PRKCE: variants seen among roughly 807,000 people sequenced by gnomAD.
The protein encoded by PRKCE is protein kinase C epsilon type.
A neutral mutation model predicts 85.4 loss-of-function variants in PRKCE; 16 were observed. That is an observed-to-expected ratio of 0.19 (90% confidence interval 0.13 to 0.28). The LOEUF (loss-of-function observed/expected upper bound fraction) is 0.28, where lower values mean the gene tolerates loss of function less well. Among genes scored for constraint, PRKCE ranks in the 10% least tolerant of loss-of-function variants. PRKCE has a pLI of 1.00. For missense variants in PRKCE, 573 were observed against 975.2 expected, an observed-to-expected ratio of 0.59 and a Z score of 5.49; for synonymous variants, 388 against 371.5, an observed-to-expected ratio of 1.04 and a Z score of -0.51.
At chr2:45,741,900 C>T (rs11902230) in intron 1 of PRKCE, among the ~76,000 whole-genome samples, 59,440 of 151,952 alleles carry the variant, frequency 0.39, 11,801 homozygotes, top group African/African-American at 0.44. Flanking sequence ...TTAAAGAGGG[C>T]GGAAGTCCCC....
At chr2:45,955,636 T>C (rs563900220) in intron 2 of PRKCE, among the ~76,000 whole-genome samples, 2 of 152,178 alleles carry the variant, frequency 1.3e-5, no homozygotes, top group South Asian at 4.2e-4. Flanking sequence ...CTGGGCAACA[T>C]AGTGAGATGC....
chr2:45,817,139 C>T (rs897936225), intron 1 of PRKCE, among the ~76,000 whole-genome samples: 5 of 148,150 alleles, frequency 3.4e-5, no homozygotes, highest in Non-Finnish European at 6.0e-5. Flanking sequence ...CCAGGGGGAG[C>T]GACCTCTTTT....
chr2:45,984,604 C>T lies in PRKCE; in HGVS notation c.747C>T (p.Asn249=). 6.3e-7 allele frequency: 1 copy of T among 1,599,872 alleles called. No individual in the cohort carries two copies. The highest frequency in any genetic ancestry group is 8.5e-7 in the Non-Finnish European group (1 of 1,179,932). The stretch of plus-strand genomic sequence containing the variant: ...TGCCCCACAAGTTCGGTATCCACAA[C>T]TACAAGGTCCCTACCTTCTGCGATC... ...VNMPHKFGIH[N]YKVPTFCDHC... is the part of the protein sequence containing the mutation. Residue 249 remains asparagine, a synonymous_variant, in exon 6 of 15, where the codon AAC becomes AAT. Transcript: ENST00000306156.
intron 11 of PRKCE, among the ~76,000 whole-genome samples, chr2:46,086,968 G>T (rs567572438): frequency 6.6e-6 from 1 of 151,968 alleles, no homozygotes; most frequent in Non-Finnish European, 1.5e-5. Flanking sequence ...ACATGCACGC[G>T]CACACTGATT....
intron 1 of PRKCE, among the ~76,000 whole-genome samples, chr2:45,703,057 TA>T (rs1471090059): frequency 6.7e-6 from 1 of 149,938 alleles, no homozygotes; most frequent in African/African-American, 2.5e-5. Flanking sequence ...TATTCCTAAC[TA>T]AAAGTTGTAA....
intron 1 of PRKCE, among the ~76,000 whole-genome samples, chr2:45,744,413 TTTTCTTTCTTTCTTTC>T (rs1164620024): frequency 0.039 from 4,626 of 117,690 alleles, 211 homozygotes; most frequent in East Asian, 0.071. Context: ...CTTTCTTTTC[TTTTCTTTCTTTCTTTC>T]TTTCTTTCTT....
At position 45,976,584 on chromosome 2, in the gene PRKCE, A is replaced by C; in HGVS notation, c.568A>C (p.Ile190Leu). 1 of 1,599,610 alleles carries C rather than the reference A, an allele frequency of 6.3e-7. No homozygotes were observed. Among genetic ancestry groups the C allele is most frequent in the Non-Finnish European group, 8.5e-7 (1 of 1,179,904 alleles). ...PTYCSHCRDF[I>L]WGVIGKQGYQ... ...CTACTGCTCCCATTGCAGAGACTTC[A>C]TCTGGTAAGCCTTTCTCTTGGGAAC... The change falls in exon 3 of 15, where the codon ATC becomes CTC. Residue 190 changes from isoleucine (I) to leucine (L), a missense_variant. Around this residue, in one of 11 missense-constraint regions of PRKCE, gnomAD observed 29 missense variants for 96.2 expected, o/e 0.30. Coordinates refer to ENST00000306156, the MANE Select transcript of PRKCE (RefSeq NM_005400.3).
chr2:45,693,490 C>T (rs1677899845), intron 1 of PRKCE, among the ~76,000 whole-genome samples: 1 of 152,074 alleles, frequency 6.6e-6, no homozygotes, highest in African/African-American at 2.4e-5. Flanking sequence ...TAGGGAATGC[C>T]CCGAGGCATG....
At chr2:45,754,467 G>C (rs146664799) in intron 1 of PRKCE, among the ~76,000 whole-genome samples, 54 of 152,252 alleles carry the variant, frequency 3.5e-4, no homozygotes, top group African/African-American at 1.2e-3. Flanking sequence ...TCTCCGTGGG[G>C]TTTCTTTCTC....
intron 1 of PRKCE, among the ~76,000 whole-genome samples, chr2:45,669,097 AC>A (rs1164688087): frequency 2.0e-5 from 3 of 151,518 alleles, no homozygotes; most frequent in African/African-American, 7.3e-5. Flanking sequence ...TTAGAAGCCC[AC>A]CCCCTCACAC....
chr2:45,987,856 G>C (rs1177085766), intron 6 of PRKCE, among the ~76,000 whole-genome samples: 1 of 152,224 alleles, frequency 6.6e-6, no homozygotes, highest in African/African-American at 2.4e-5. Context: ...TGGCCCTGTA[G>C]ACTCCTTACC....
intron 14 of PRKCE, among the ~76,000 whole-genome samples, chr2:46,173,716 A>G (rs1324170447): frequency 6.6e-6 from 1 of 152,238 alleles, no homozygotes; most frequent in South Asian, 2.1e-4. Context: ...CAACTTCTTT[A>G]TAACAGGGAC....
chr2:45,947,863 A>T (rs142409146), intron 2 of PRKCE, among the ~76,000 whole-genome samples: 33 of 152,332 alleles, frequency 2.2e-4, no homozygotes, highest in African/African-American at 7.9e-4. Flanking sequence ...TCTAAAGTGT[A>T]TATTTCTTTT....
At chr2:45,894,208 T>C (rs1695958097) in intron 2 of PRKCE, among the ~76,000 whole-genome samples, 1 of 151,982 alleles carries the variant, frequency 6.6e-6, no homozygotes, top group Non-Finnish European at 1.5e-5. Context: ...TAGAGCTGAT[T>C]TTAGCCAGCA....
intron 1 of PRKCE, among the ~76,000 whole-genome samples, chr2:45,747,867 GTCT>G (rs1162004192): frequency 6.6e-6 from 1 of 151,910 alleles, no homozygotes; most frequent in Admixed American, 6.5e-5. Context: ...CCAACACTTA[GTCT>G]TCTTTTTTTT....
chr2:46,174,856 A>G (rs1679270902), intron 14 of PRKCE, among the ~76,000 whole-genome samples: 1 of 151,730 alleles, frequency 6.6e-6, no homozygotes, highest in African/African-American at 2.4e-5. Flanking sequence ...TGTCTGGCTA[A>G]TTTTTGTATT....
At chr2:46,049,861 G>T (rs891474904) in intron 10 of PRKCE, among the ~76,000 whole-genome samples, 5 of 152,096 alleles carry the variant, frequency 3.3e-5, no homozygotes, top group Non-Finnish European at 5.9e-5. Context: ...TTCCCATCTT[G>T]ACTAAGACCC....
intron 14 of PRKCE, among the ~76,000 whole-genome samples, chr2:46,163,438 G>A (rs1362339586): frequency 7.4e-6 from 1 of 136,026 alleles, no homozygotes; most frequent in Admixed American, 7.1e-5. Flanking sequence ...AAGAGACACA[G>A]GGAAGCTGAG....
intron 10 of PRKCE, among the ~76,000 whole-genome samples, chr2:46,083,171 G>A (rs1015533747): frequency 6.6e-6 from 1 of 152,104 alleles, no homozygotes; most frequent in Non-Finnish European, 1.5e-5. Flanking sequence ...GGTTGATCTC[G>A]ATCTCCTGGC....
Sources: allele counts gnomAD v4.1 joint callset (sites outside exome capture counted in the v4.1 genomes callset), GRCh38; gene constraint gnomAD v4.1.1; regional missense constraint gnomAD v4.1.1; transcripts MANE v1.5; gene names NCBI Gene and HGNC (gene_info 2026-07-23, HGNC 2026-07-21).